CEP128: variants seen among roughly 807,000 people sequenced by gnomAD.
The protein encoded by CEP128 is centrosomal protein 128kDa.
A neutral mutation model predicts 156.7 loss-of-function variants in CEP128; 132 were observed. The ratio of observed to expected loss-of-function variants is 0.84; its 90% confidence interval spans 0.73 to 0.97. The LOEUF is 0.97. Among genes scored for constraint, CEP128 ranks in the 50% least tolerant of loss-of-function variants. The pLI, the probability that CEP128 is intolerant of heterozygous loss-of-function variation, is 0.00. For missense variants in CEP128, 1,252 were observed against 1,281.9 expected, an observed-to-expected ratio of 0.98 and a Z score of 0.36; for synonymous variants, 469 against 448.9, an observed-to-expected ratio of 1.04 and a Z score of -0.57.
At chr14:80,880,865 AAATAATAATAAT>A (rs375304920) in intron 8 of CEP128, among the ~76,000 whole-genome samples, 3,193 of 124,946 alleles carry the variant, frequency 0.026, 69 homozygotes, top group African/African-American at 0.059. Flanking sequence ...TCCATCTCAA[AAATAATAATAAT>A]AATAATAATA....
chr14:80,793,606 G>C (rs1901832784), intron 13 of CEP128, among the ~76,000 whole-genome samples: 2 of 152,012 alleles, frequency 1.3e-5, no homozygotes, highest in Admixed American at 6.5e-5. Flanking sequence ...AACATATTAG[G>C]TTCCCAATAA....
chr14:80,513,534 T>C (rs985556629), intron 23 of CEP128, among the ~76,000 whole-genome samples: 3 of 152,170 alleles, frequency 2.0e-5, no homozygotes, highest in African/African-American at 7.2e-5. Flanking sequence ...TCTCTGTTAT[T>C]ATTTCTTTGA....
At chr14:80,588,972 A>G (rs1366727609) in intron 19 of CEP128, among the ~76,000 whole-genome samples, 2 of 152,154 alleles carry the variant, frequency 1.3e-5, no homozygotes, top group African/African-American at 2.4e-5. Context: ...AGAAAATGGG[A>G]TAAGAAAGAA....
chr14:80,755,321 C>G (rs765357963), intron 18 of CEP128, among the ~76,000 whole-genome samples: 1 of 152,174 alleles, frequency 6.6e-6, no homozygotes, highest in African/African-American at 2.4e-5. Context: ...ATAAACTCCC[C>G]TTTAAAAATA....
At chr14:80,660,277 A>G (rs1895342965) in intron 19 of CEP128, among the ~76,000 whole-genome samples, 1 of 152,160 alleles carries the variant, frequency 6.6e-6, no homozygotes, top group Non-Finnish European at 1.5e-5. Flanking sequence ...TGTCTCTGTA[A>G]AATTTAAAGC....
chr14:80,784,111 C>A (rs1274676353), intron 15 of CEP128, among the ~76,000 whole-genome samples: 1 of 152,110 alleles, frequency 6.6e-6, no homozygotes, highest in East Asian at 1.9e-4. Context: ...TCCATTCATT[C>A]ATTCACCTAT....
chr14:80,658,122 A>G (rs1895252543), intron 19 of CEP128, among the ~76,000 whole-genome samples: 1 of 152,220 alleles, frequency 6.6e-6, no homozygotes, highest in South Asian at 2.1e-4. Context: ...AGAAACATGA[A>G]AAAAATTAAG....
At chr14:80,504,302 G>A (rs140047643) in intron 24 of CEP128, among the ~76,000 whole-genome samples, 9 of 152,206 alleles carry the variant, frequency 5.9e-5, no homozygotes, top group African/African-American at 1.9e-4. Flanking sequence ...AGCACACTGT[G>A]GGTGCTCATA....
intron 21 of CEP128, among the ~76,000 whole-genome samples, chr14:80,535,711 CT>C (rs1889455310): frequency 1.3e-5 from 2 of 152,136 alleles, no homozygotes; most frequent in Non-Finnish European, 2.9e-5. Context: ...ACTGCCTTTT[CT>C]TTTTTTCATA....
chr14:80,795,816 T>C (rs1230909413), intron 13 of CEP128, among the ~76,000 whole-genome samples: 2 of 152,198 alleles, frequency 1.3e-5, no homozygotes, highest in African/African-American at 4.8e-5. Flanking sequence ...TTTTAAAATT[T>C]ACCAATGGTC....
At chr14:80,505,619 T>G (rs1887935323) in intron 23 of CEP128, among the ~76,000 whole-genome samples, 2 of 152,214 alleles carry the variant, frequency 1.3e-5, no homozygotes, top group Non-Finnish European at 2.9e-5. Flanking sequence ...TAATAAATAT[T>G]TACTAAATGA....
At chr14:80,894,211 CAA>C (rs1170368506) in intron 8 of CEP128, among the ~76,000 whole-genome samples, 2 of 151,590 alleles carry the variant, frequency 1.3e-5, no homozygotes. Context: ...TGAAAAGAAA[CAA>C]GAAAAAAAGA....
At chr14:80,809,053 T>C (rs1884354107) in intron 13 of CEP128, among the ~76,000 whole-genome samples, 1 of 151,926 alleles carries the variant, frequency 6.6e-6, no homozygotes. Context: ...GAAAACACAA[T>C]TCAAAATTGT....
intron 13 of CEP128, among the ~76,000 whole-genome samples, chr14:80,795,929 A>G (rs1883444137): frequency 6.6e-6 from 1 of 152,140 alleles, no homozygotes; most frequent in Non-Finnish European, 1.5e-5. Context: ...TACTTCTCTC[A>G]TCTCAAAAAC....
intron 12 of CEP128, 41 bp from the exon 13 acceptor site, chr14:80,831,335 T>A: frequency 6.2e-7 from 1 of 1,600,584 alleles, no homozygotes; most frequent in South Asian, 1.1e-5. Context: ...TGTTCTTTAT[T>A]CACAGAAGAA....
chr14:80,906,540 G>A (rs1307794004), intron 4 of CEP128, among the ~76,000 whole-genome samples: 1 of 152,102 alleles, frequency 6.6e-6, no homozygotes, highest in African/African-American at 2.4e-5. Flanking sequence ...CTGAAACAAT[G>A]TACACTGTCC....
At chr14:80,883,789 G>A (rs911250283) in intron 8 of CEP128, among the ~76,000 whole-genome samples, 1 of 152,044 alleles carries the variant, frequency 6.6e-6, no homozygotes, top group Non-Finnish European at 1.5e-5. Context: ...TGAGCAAAAA[G>A]AACAAAACTG....
chr14:80,599,270 T>C (rs1377265730), intron 19 of CEP128, among the ~76,000 whole-genome samples: 2 of 136,184 alleles, frequency 1.5e-5, no homozygotes, highest in Non-Finnish European at 3.2e-5. Flanking sequence ...ATATTCTTTT[T>C]TTTTTTTTTT....
At chr14:80,756,859 T>C (rs375445525) in intron 18 of CEP128, 33 bp downstream of exon 18, 1 of 1,395,310 alleles carries the variant, frequency 7.2e-7, no homozygotes, top group East Asian at 2.3e-5. Flanking sequence ...ATCATAAATA[T>C]TACAATAACT....
Sources: allele counts gnomAD v4.1 joint callset (sites outside exome capture counted in the v4.1 genomes callset), GRCh38; gene constraint gnomAD v4.1.1; transcripts MANE v1.5; gene names NCBI Gene and HGNC (gene_info 2026-07-23, HGNC 2026-07-21).